ABCC1: variants seen among roughly 807,000 people sequenced by gnomAD.
The protein encoded by ABCC1 is multidrug resistance-associated protein 1.
In ABCC1, 83 loss-of-function variants were observed where a neutral mutation model predicts 172.9. The observed-to-expected ratio is 0.48, with a 90% CI of 0.40 to 0.58. ABCC1 has a LOEUF of 0.58. ABCC1 is among the 20% of genes least tolerant of loss of function. ABCC1 has a pLI of 0.00. For missense variants in ABCC1, 1,817 were observed against 2,002.7 expected, an observed-to-expected ratio of 0.91 and a Z score of 1.77; for synonymous variants, 937 against 825.2, an observed-to-expected ratio of 1.14 and a Z score of -2.32.
At chr16:16,032,136 G>A (rs1265309852) in intron 5 of ABCC1, among the ~76,000 whole-genome samples, 3 of 152,052 alleles carry the variant, frequency 2.0e-5, no homozygotes, top group Admixed American at 6.6e-5. Context: ...AACTACAGGC[G>A]CCTGCCACCA....
intron 14 of ABCC1, among the ~76,000 whole-genome samples, chr16:16,073,557 G>C (rs943241050): frequency 2.0e-5 from 3 of 152,192 alleles, no homozygotes; most frequent in Admixed American, 6.5e-5. Context: ...GAGGCCAGGA[G>C]TTTGAGACCA....
At chr16:16,099,486 A>G (rs761715453) in intron 19 of ABCC1, among the ~76,000 whole-genome samples, 11 of 152,228 alleles carry the variant, frequency 7.2e-5, no homozygotes, top group Admixed American at 2.6e-4. Flanking sequence ...CAGAAGCTGA[A>G]TCTGGCCACC....
chr16:16,124,866 A>G lies in ABCC1; in HGVS notation c.3668A>G (p.His1223Arg). 6.2e-7 allele frequency: 1 copy of G among 1,614,218 alleles called. No homozygotes were observed. The highest frequency in any genetic ancestry group is 1.1e-5 in the South Asian group (1 of 91,082). The change falls in exon 25 of 31, where the codon CAC becomes CGC. Residue 1223 changes from histidine (H) to arginine (R), a missense_variant. This residue lies in a region of ABCC1 where 1,412 missense variants were observed against 1,600.3 expected (regional missense o/e 0.88). Transcript: ENST00000399410. ...FAALFAVISRHSLSAGLVGLS... is the reference protein window; with the variant it reads ...FAALFAVISRRSLSAGLVGLS... ...GCCCTGTTTGCGGTGATCTCCAGGC[A>G]CAGCCTCAGTGCTGGCTTGGTGGGC...
intron 3 of ABCC1, among the ~76,000 whole-genome samples, chr16:16,012,529 C>T (rs1333602679): frequency 7.0e-6 from 1 of 143,198 alleles, no homozygotes; most frequent in African/African-American, 2.5e-5. Context: ...GAGACAGGGT[C>T]TTTCCATGTT....
intron 5 of ABCC1, among the ~76,000 whole-genome samples, chr16:16,024,143 C>T (rs528753189): frequency 1.3e-4 from 20 of 152,136 alleles, no homozygotes; most frequent in Admixed American, 3.3e-4. Context: ...TGCTTGAACC[C>T]GGGAGGCGGA....
At chr16:16,135,744 A>G (rs1209738070) in intron 28 of ABCC1, among the ~76,000 whole-genome samples, 1 of 151,832 alleles carries the variant, frequency 6.6e-6, no homozygotes, top group Non-Finnish European at 1.5e-5. Context: ...GGGTGAGCCA[A>G]CATGCTTGGC....
chr16:16,130,621 A>G (rs1436415192), intron 26 of ABCC1, among the ~76,000 whole-genome samples: 1 of 152,210 alleles, frequency 6.6e-6, no homozygotes, highest in African/African-American at 2.4e-5. Context: ...CAGCCTAAAG[A>G]TATGGATAAG....
At chr16:16,123,668 AAAAT>A (rs2045270858) in intron 24 of ABCC1, among the ~76,000 whole-genome samples, 1 of 152,192 alleles carries the variant, frequency 6.6e-6, no homozygotes, top group African/African-American at 2.4e-5. Flanking sequence ...AATAAAAAGT[AAAAT>A]AAAATAGTTC....
intron 22 of ABCC1, 78 bp from the exon 23 acceptor site, chr16:16,114,688 C>T: frequency 7.1e-7 from 1 of 1,406,434 alleles, no homozygotes; most frequent in South Asian, 1.4e-5. Flanking sequence ...CCTGCCTCGT[C>T]CACATGGCCA....
chr16:16,044,678 AAAGT>A lies in ABCC1; in HGVS notation c.1040+2_1040+5del, dbSNP rs2049128039. ...TGATGTTTTCCGGGCCGCAGATCTT[AAAGT>A]AAGACCCCTTCCCTCCCAGGTGGGC... On this transcript the variant is annotated splice_donor_variant and coding_sequence_variant, in exon 8 of 31. Coordinates refer to ENST00000399410, the MANE Select transcript of ABCC1 (RefSeq NM_004996.4). LOFTEE classifies it high-confidence loss of function. The A allele has an allele frequency of 1.2e-6, 2 of 1,613,484 alleles. No individual in the cohort carries two copies. Among genetic ancestry groups the A allele is most frequent in the Non-Finnish European group, 8.5e-7 (1 of 1,179,566 alleles).
intron 1 of ABCC1, among the ~76,000 whole-genome samples, chr16:16,002,902 G>A (rs2047369456): frequency 6.6e-6 from 1 of 152,226 alleles, no homozygotes; most frequent in Non-Finnish European, 1.5e-5. Flanking sequence ...AAGAATGTAA[G>A]ATGTTAGCAA....
intron 14 of ABCC1, chr16:16,076,034 C>T (rs932561094): frequency 1.1e-5 from 5 of 462,266 alleles, no homozygotes; most frequent in East Asian, 4.0e-5. Flanking sequence ...TCTCATGCGG[C>T]CCCCGCCTCT....
At chr16:15,962,619 C>T (rs745604851) in intron 1 of ABCC1, among the ~76,000 whole-genome samples, 47 of 152,284 alleles carry the variant, frequency 3.1e-4, no homozygotes, top group Non-Finnish European at 5.3e-4. Flanking sequence ...GCAAACATGT[C>T]CTTCTTCACA....
intron 27 of ABCC1, among the ~76,000 whole-genome samples, chr16:16,133,508 A>G (rs2045789272): frequency 6.6e-6 from 1 of 151,964 alleles, no homozygotes; most frequent in African/African-American, 2.4e-5. Flanking sequence ...GGTTCAAGTG[A>G]TTCTCCTGCC....
chr16:16,035,980 C>G (rs945450666), intron 6 of ABCC1, among the ~76,000 whole-genome samples: 7 of 151,484 alleles, frequency 4.6e-5, no homozygotes, highest in Admixed American at 2.6e-4. Context: ...AAAAATTAGC[C>G]AGTCATAATG....
At chr16:16,034,930 TG>T (rs1050856126) in intron 6 of ABCC1, among the ~76,000 whole-genome samples, 1 of 151,866 alleles carries the variant, frequency 6.6e-6, no homozygotes, top group Admixed American at 6.6e-5. Context: ...TGTGTTTGCA[TG>T]TGTGTGTGTG....
intron 5 of ABCC1, among the ~76,000 whole-genome samples, chr16:16,025,132 G>T (rs1190852444): frequency 6.6e-6 from 1 of 152,156 alleles, no homozygotes; most frequent in East Asian, 1.9e-4. Context: ...AAGCAACAGG[G>T]CAAACAAATC....
At chr16:16,099,811 C>T (rs1174962116) in intron 19 of ABCC1, among the ~76,000 whole-genome samples, 1 of 152,196 alleles carries the variant, frequency 6.6e-6, no homozygotes, top group Non-Finnish European at 1.5e-5. Context: ...GGGCCAGGCA[C>T]AGTGGCTCAC....
intron 1 of ABCC1, among the ~76,000 whole-genome samples, chr16:15,987,945 C>G (rs572832535): frequency 5.0e-4 from 76 of 152,236 alleles, no homozygotes; most frequent in South Asian, 8.3e-4. Context: ...CTGTTTCCTT[C>G]CATCCTGTAT....
Sources: gnomAD v4.1 joint callset for allele counts (sites outside exome capture counted in the v4.1 genomes callset) on GRCh38, gnomAD v4.1.1 for gene constraint, gnomAD v4.1.1 regional missense constraint, MANE v1.5 for transcripts, NCBI Gene and HGNC (gene_info 2026-07-23, HGNC 2026-07-21) for gene names.